The following PDS5A variants were observed in gnomAD, a reference collection of about 807,000 sequenced individuals.
The protein encoded by PDS5A is sister chromatid cohesion protein PDS5 homolog A.
In PDS5A, 42 loss-of-function variants were observed where a neutral mutation model predicts 167.1. The ratio of observed to expected loss-of-function variants is 0.25; its 90% CI spans 0.20 to 0.33. The LOEUF (loss-of-function observed/expected upper bound fraction) is 0.33, where lower values mean the gene tolerates loss of function less well. PDS5A is among the 10% of genes least tolerant of loss of function. The pLI, the probability that PDS5A is intolerant of heterozygous loss-of-function variation, is 1.00. For synonymous variants in PDS5A, 553 were observed against 554.6 expected (o/e 1.00, Z 0.04); for missense variants, 1,033 against 1,605.9 (o/e 0.64, Z 6.10).
intron 7 of PDS5A, among the ~76,000 whole-genome samples, chr4:39,917,778 T>C (rs937745185): frequency 6.6e-6 from 1 of 152,176 alleles, no homozygotes; most frequent in African/African-American, 2.4e-5. Flanking sequence ...TTTCACCGTG[T>C]TGGCCAGGCT....
At chr4:39,842,122 C>G (rs1717088035) in intron 30 of PDS5A, 66 bp from the exon 31 acceptor site, 1 of 1,015,936 alleles carries the variant, frequency 9.8e-7, no homozygotes, top group Non-Finnish European at 1.5e-6. Context: ...TCTCACCGTA[C>G]CAATAAAGAA....
intron 7 of PDS5A, among the ~76,000 whole-genome samples, chr4:39,917,508 T>C (rs1578738304): frequency 6.6e-6 from 1 of 152,170 alleles, no homozygotes; most frequent in Admixed American, 6.5e-5. Context: ...GTCTGTGTAG[T>C]TCATTACAAA....
rs548168300 is a variant in PDS5A, at chr4:39,905,640, G to A, written c.1234-1449C>T. 2.6e-5 allele frequency among the ~76,000 whole-genome samples: 4 copies of A among 152,252 alleles called. No homozygotes were observed. In the South Asian group the frequency reaches 6.2e-4, roughly 24 times the overall value. ...AGGAACGCTTTCAACAGTAAAGAGA[G>A]GGACCAAAACAAACAGGCCAGAGGA... On this transcript the variant is annotated intron_variant, in intron 11 of 32. Transcript: ENST00000303538.
intron 32 of PDS5A, among the ~76,000 whole-genome samples, chr4:39,832,614 G>A (rs528673114): frequency 2.0e-5 from 3 of 152,174 alleles, no homozygotes; most frequent in African/African-American, 7.2e-5. Context: ...GCTGGGGCAG[G>A]AAGATTGCTT....
chr4:39,900,818 A>T (rs1204797077), intron 13 of PDS5A, among the ~76,000 whole-genome samples: 1 of 152,210 alleles, frequency 6.6e-6, no homozygotes, highest in African/African-American at 2.4e-5. Context: ...AGTGCAAGGG[A>T]CATAAAACAA....
intron 16 of PDS5A, among the ~76,000 whole-genome samples, chr4:39,893,430 G>C (rs544877283): frequency 6.6e-6 from 1 of 152,210 alleles, no homozygotes; most frequent in South Asian, 2.1e-4. Flanking sequence ...GAAAATATTA[G>C]ATTTCTATGC....
In PDS5A at chr4:39,913,734, G is replaced by A. The variant is rs1307298634; in HGVS notation, c.877-8C>T. ...CTCTTCTCCATCATTGCTCTAAGAA[G>A]GGAAAACAGAAAGTGAAGCCTAAGC... On this transcript the variant is annotated splice_region_variant and splice_polypyrimidine_tract_variant and intron_variant, in intron 8 of 32. Coordinates refer to ENST00000303538, the MANE Select transcript of PDS5A (RefSeq NM_001100399.2). 1.4e-6 allele frequency: 2 copies of A among 1,446,786 alleles called. No individual in the cohort carries two copies. Among genetic ancestry groups the A allele is most frequent in the Admixed American group, 1.7e-5 (1 of 59,746 alleles). 89.6% of individuals were successfully genotyped at this position (1,446,786 alleles called of 1,614,324 possible).
chr4:39,871,557 G>A (rs941622108), intron 21 of PDS5A, among the ~76,000 whole-genome samples: 9 of 152,194 alleles, frequency 5.9e-5, no homozygotes, highest in African/African-American at 2.2e-4. Flanking sequence ...ACCGAAACAT[G>A]TGAGAGTTAG....
At position 39,900,465 on chromosome 4, in the gene PDS5A, G is replaced by A. The variant is rs780479449; in HGVS notation, c.1542C>T (p.Ser514=). 1 of 1,584,482 alleles carries A rather than the reference G, an allele frequency of 6.3e-7. No individual in the cohort carries two copies. Among genetic ancestry groups the A allele is most frequent in the Non-Finnish European group, 8.6e-7 (1 of 1,163,380 alleles). The part of the protein sequence containing the change: ...EMWKCQNMLR[S]HVRELLDLHK... ...GCAAATCCAATAGTTCGCGTACATG[G>A]CTCCGAAGCATGTTCTGACACTTCC... is the stretch of plus-strand genomic sequence containing the variant. The change falls in exon 14 of 33, where the codon AGC becomes AGT. Residue 514 remains serine, a synonymous_variant. Transcript: ENST00000303538.
At chr4:39,960,265 T>C (rs1389904940) in intron 2 of PDS5A, among the ~76,000 whole-genome samples, 1 of 151,962 alleles carries the variant, frequency 6.6e-6, no homozygotes, top group African/African-American at 2.4e-5. Flanking sequence ...TGAGACTCTG[T>C]CTCAAAAAAC....
intron 2 of PDS5A, among the ~76,000 whole-genome samples, chr4:39,962,810 G>A (rs1188388098): frequency 6.6e-6 from 1 of 151,670 alleles, no homozygotes; most frequent in Non-Finnish European, 1.5e-5. Context: ...GGAAGAGGGG[G>A]AATTAACCAG....
At chr4:39,967,103 G>A (rs902733831) in intron 2 of PDS5A, among the ~76,000 whole-genome samples, 3 of 151,790 alleles carry the variant, frequency 2.0e-5, no homozygotes, top group Admixed American at 6.6e-5. Context: ...TCAGGAGCTC[G>A]AGACCAGCCT....
chr4:39,976,508 C>G lies in PDS5A; in HGVS notation c.70G>C (p.Ala24Pro), dbSNP rs1471371584. The G allele has an allele frequency of 6.2e-7, 1 of 1,613,200 alleles. No individual in the cohort carries two copies. Among genetic ancestry groups the G allele is most frequent in the Non-Finnish European group, 8.5e-7 (1 of 1,179,222 alleles). Residue 24 changes from alanine (A) to proline (P), a missense_variant, in exon 2 of 33, where the codon GCT becomes CCT. Physicochemically the swap from Ala to Pro is conservative, Grantham distance 27. This residue lies in a region of PDS5A where 388 missense variants were observed against 615.1 expected (regional missense o/e 0.63). Coordinates refer to ENST00000303538, the MANE Select transcript of PDS5A (RefSeq NM_001100399.2). ...ATCTCTTTTACCCCCGGAGGGTAAG[C>G]GATCTTCCCGTCGGCACTCACGACG... ...CGVVSADGKI[A>P]YPPGVKEITD...
chr4:39,958,141 C>T (rs1729140751), intron 2 of PDS5A, among the ~76,000 whole-genome samples: 1 of 152,154 alleles, frequency 6.6e-6, no homozygotes. Context: ...ATCCGTCTGC[C>T]TTTGCCTCCC....
intron 2 of PDS5A, among the ~76,000 whole-genome samples, chr4:39,930,246 A>AAAAAAAAATTTTTT: frequency 1.1e-5 from 1 of 93,090 alleles, no homozygotes; most frequent in Non-Finnish European, 2.2e-5. Context: ...AAAAAAAAAA[A>AAAAAAAAATTTTTT]GTTTTTTTGT....
intron 2 of PDS5A, among the ~76,000 whole-genome samples, chr4:39,953,921 T>C (rs931844258): frequency 6.6e-6 from 1 of 152,148 alleles, no homozygotes; most frequent in Non-Finnish European, 1.5e-5. Flanking sequence ...TAAAAGTTCA[T>C]GGGAAACTTC....
At chr4:39,846,544 A>G (rs1186861051) in intron 28 of PDS5A, 1 of 152,220 alleles carries the variant, frequency 6.6e-6, no homozygotes, top group African/African-American at 2.4e-5. Context: ...TAAGTGAATT[A>G]TGTTCTTTGA....
chr4:39,836,814 T>C (rs967044167), intron 32 of PDS5A, among the ~76,000 whole-genome samples: 1 of 146,552 alleles, frequency 6.8e-6, no homozygotes, highest in Non-Finnish European at 1.5e-5. Context: ...CAGTAACTTT[T>C]TTTTTTTTTT....
At chr4:39,858,672 G>A (rs1718736003) in intron 26 of PDS5A, among the ~76,000 whole-genome samples, 2 of 152,112 alleles carry the variant, frequency 1.3e-5, no homozygotes, top group Non-Finnish European at 2.9e-5. Flanking sequence ...TGCCCAGGCT[G>A]GAGTGCAATG....
Sources: allele counts gnomAD v4.1 joint callset (sites outside exome capture counted in the v4.1 genomes callset), GRCh38; gene constraint gnomAD v4.1.1; regional missense constraint gnomAD v4.1.1; transcripts MANE v1.5; gene names NCBI Gene and HGNC (gene_info 2026-07-23, HGNC 2026-07-21).